DCC: variants seen among roughly 807,000 people sequenced by gnomAD.
The protein encoded by DCC is DCC netrin 1 receptor, also known as netrin receptor DCC.
In DCC, 58 loss-of-function variants were observed where a neutral mutation model predicts 172.5. The observed-to-expected ratio is 0.34, with a 90% CI of 0.27 to 0.42. The LOEUF (loss-of-function observed/expected upper bound fraction) is 0.42. Ranked by LOEUF, DCC falls within the 10% of genes least tolerant of loss-of-function variation. DCC has a pLI of 1.00. For missense variants in DCC, 1,740 were observed against 1,791.0 expected (o/e 0.97, Z 0.51); for synonymous variants, 709 against 644.5 (o/e 1.10, Z -1.52).
At chr18:52,695,188 T>A (rs996870482) in intron 1 of DCC, among the ~76,000 whole-genome samples, 2 of 152,226 alleles carry the variant, frequency 1.3e-5, no homozygotes, top group Admixed American at 1.3e-4. Context: ...AACTGTGGCA[T>A]CCTAAGCAAC....
At chr18:52,810,557 T>TC (rs2038176618) in intron 2 of DCC, among the ~76,000 whole-genome samples, 1 of 152,048 alleles carries the variant, frequency 6.6e-6, no homozygotes, top group Non-Finnish European at 1.5e-5. Flanking sequence ...ATAGGGATGT[T>TC]CCCCCTACCC....
chr18:53,480,992 C>T (rs989092558), intron 25 of DCC: 2 of 152,178 alleles, frequency 1.3e-5, no homozygotes, highest in Non-Finnish European at 2.9e-5. Flanking sequence ...TGGGCGTATG[C>T]ACAGGTCTGC....
At chr18:52,399,713 C>T (rs1226327232) in intron 1 of DCC, among the ~76,000 whole-genome samples, 1 of 151,910 alleles carries the variant, frequency 6.6e-6, no homozygotes, top group Non-Finnish European at 1.5e-5. Context: ...ATGTTATGAT[C>T]ACTCTATATG....
intron 1 of DCC, among the ~76,000 whole-genome samples, chr18:52,660,480 C>T (rs938870436): frequency 6.6e-6 from 1 of 152,098 alleles, no homozygotes; most frequent in African/African-American, 2.4e-5. Context: ...CTGCCTTGCT[C>T]TGGTTCAAGT....
At chr18:52,667,101 G>A (rs2035470080) in intron 1 of DCC, among the ~76,000 whole-genome samples, 1 of 152,278 alleles carries the variant, frequency 6.6e-6, no homozygotes, top group South Asian at 2.1e-4. Flanking sequence ...AATAGAGCCA[G>A]TATCTGTTGA....
At chr18:52,357,792 G>T (rs1006188467) in intron 1 of DCC, among the ~76,000 whole-genome samples, 4 of 152,016 alleles carry the variant, frequency 2.6e-5, no homozygotes, top group Non-Finnish European at 5.9e-5. Flanking sequence ...AAAAAAATTA[G>T]CTGGGCGTGG....
intron 2 of DCC, among the ~76,000 whole-genome samples, chr18:52,768,476 G>T (rs2037290059): frequency 6.6e-6 from 1 of 152,130 alleles, no homozygotes; most frequent in Admixed American, 6.5e-5. Flanking sequence ...AAAGCAAAGA[G>T]CTCTGCTATG....
chr18:52,630,330 C>G (rs996413333), intron 1 of DCC, among the ~76,000 whole-genome samples: 11 of 152,270 alleles, frequency 7.2e-5, no homozygotes, highest in Middle Eastern at 3.4e-3. Context: ...GAATTCCTTA[C>G]AGCCTGAATG....
intron 3 of DCC, among the ~76,000 whole-genome samples, chr18:52,919,857 G>C (rs537612910): frequency 1.8e-4 from 27 of 152,128 alleles, no homozygotes; most frequent in African/African-American, 6.0e-4. Context: ...CAACAGTCAA[G>C]ATAGTGTGGT....
At chr18:52,466,596 C>G (rs1286840824) in intron 1 of DCC, among the ~76,000 whole-genome samples, 1 of 152,108 alleles carries the variant, frequency 6.6e-6, no homozygotes, top group Non-Finnish European at 1.5e-5. Context: ...GATTTGCTGA[C>G]CTTGACTGAG....
At chr18:52,543,473 A>G (rs2032523718) in intron 1 of DCC, among the ~76,000 whole-genome samples, 1 of 152,220 alleles carries the variant, frequency 6.6e-6, no homozygotes, top group Non-Finnish European at 1.5e-5. Flanking sequence ...GTAAGCAAGA[A>G]TAAAAACCAA....
chr18:52,700,331 GCACACCCATGCACACT>G, intron 1 of DCC, among the ~76,000 whole-genome samples: 1 of 138,194 alleles, frequency 7.2e-6, no homozygotes, highest in East Asian at 2.2e-4. Context: ...CTCACGGAAT[GCACACCCATGCACACT>G]CACTCACATG....
intron 7 of DCC, 22 bp from the exon 8 acceptor site, chr18:53,157,333 AG>A: frequency 6.2e-7 from 1 of 1,608,800 alleles, no homozygotes; most frequent in South Asian, 1.1e-5. Context: ...CACCTCTGAT[AG>A]CCTCCTCTTC....
At chr18:52,675,907 C>T (rs1465006375) in intron 1 of DCC, among the ~76,000 whole-genome samples, 1 of 152,180 alleles carries the variant, frequency 6.6e-6, no homozygotes, top group Non-Finnish European at 1.5e-5. Context: ...TGGCCTGCCT[C>T]CCATTTCCAG....
At chr18:53,016,823 T>C (rs1022486973) in intron 5 of DCC, among the ~76,000 whole-genome samples, 1 of 152,128 alleles carries the variant, frequency 6.6e-6, no homozygotes, top group Non-Finnish European at 1.5e-5. Flanking sequence ...CCTTTAATGT[T>C]TACAGCTTAT....
chr18:52,927,346 T>C (rs1381088763), intron 5 of DCC, among the ~76,000 whole-genome samples: 4 of 151,626 alleles, frequency 2.6e-5, no homozygotes, highest in South Asian at 2.1e-4. Context: ...AATTACAAAA[T>C]AGATGCTGTT....
At chr18:52,686,467 C>A (rs1409880708) in intron 1 of DCC, among the ~76,000 whole-genome samples, 2 of 152,100 alleles carry the variant, frequency 1.3e-5, no homozygotes, top group African/African-American at 4.8e-5. Context: ...CAGTATCTGG[C>A]AGTATTTGAT....
chr18:52,630,849 C>T (rs1249687109), intron 1 of DCC, among the ~76,000 whole-genome samples: 1 of 152,176 alleles, frequency 6.6e-6, no homozygotes, highest in Non-Finnish European at 1.5e-5. Context: ...CCACACATGA[C>T]TTTAAAAAGC....
At chr18:53,223,145 T>A (rs1326187588) in intron 12 of DCC, among the ~76,000 whole-genome samples, 1 of 152,140 alleles carries the variant, frequency 6.6e-6, no homozygotes, top group Non-Finnish European at 1.5e-5. Context: ...AATATGAATT[T>A]TTATTAATGT....
Sources: gnomAD v4.1 joint callset for allele counts (sites outside exome capture counted in the v4.1 genomes callset) on GRCh38, gnomAD v4.1.1 for gene constraint, MANE v1.5 for transcripts, NCBI Gene and HGNC (gene_info 2026-07-23, HGNC 2026-07-21) for gene names.